Variants in ARHGEF28 observed in about 807,000 individuals in gnomAD.
The protein encoded by ARHGEF28 is Rho guanine nucleotide exchange factor 28, also known as 190 kDa guanine nucleotide exchange factor.
ARHGEF28 carries 152 observed loss-of-function variants against 206.6 expected under a neutral mutation model. The ratio of observed to expected loss-of-function variants is 0.74; its 90% CI spans 0.64 to 0.84. The LOEUF (loss-of-function observed/expected upper bound fraction) is 0.84, where lower values mean the gene tolerates loss of function less well. ARHGEF28 is among the 40% of genes least tolerant of loss of function. The pLI is 0.00. For missense variants in ARHGEF28, 2,028 were observed against 2,073.2 expected (o/e 0.98, Z 0.42); for synonymous variants, 763 against 776.4 (o/e 0.98, Z 0.29).
At chr5:73,864,732 G>C in intron 16 of ARHGEF28, 85 bp from the exon 17 acceptor site, 1 of 1,141,402 alleles carries the variant, frequency 8.8e-7, no homozygotes, top group Non-Finnish European at 1.3e-6. Context: ...TTTTTATAAT[G>C]ACCAGTGAAA....
chr5:73,860,606 ACT>A (rs1759337714), intron 16 of ARHGEF28, among the ~76,000 whole-genome samples: 1 of 151,984 alleles, frequency 6.6e-6, no homozygotes, highest in Admixed American at 6.6e-5. Flanking sequence ...CACTGTTGCC[ACT>A]CTGGGAGATT....
At chr5:73,778,492 C>G (rs1753659424) in intron 6 of ARHGEF28, among the ~76,000 whole-genome samples, 1 of 152,034 alleles carries the variant, frequency 6.6e-6, no homozygotes. Flanking sequence ...AGATTTTCAT[C>G]TTATGAAAAA....
At chr5:73,682,521 G>C (rs547129449) in intron 1 of ARHGEF28, among the ~76,000 whole-genome samples, 1 of 151,478 alleles carries the variant, frequency 6.6e-6, no homozygotes, top group Admixed American at 6.6e-5. Context: ...GGGTTCAAGC[G>C]ATTCTCCTGC....
chr5:73,773,982 A>G lies in ARHGEF28; in HGVS notation c.603A>G (p.Thr201=), dbSNP rs373182168. 136 of 1,606,594 alleles carry G rather than the reference A, an allele frequency of 8.5e-5. No homozygotes were observed. Among genetic ancestry groups the G allele is most frequent in the Middle Eastern group, 5.0e-4 (3 of 6,060 alleles). The change falls in exon 5 of 36, where the codon ACA becomes ACG. Residue 201 remains threonine, a synonymous_variant. Coordinates refer to ENST00000513042, the MANE Select transcript of ARHGEF28 (RefSeq NM_001177693.2). ...ALALPNEEGA[T]PLDLALREGH... is the part of the protein sequence containing the mutation. ...CTTTACCCAACGAAGAGGGTGCCAC[A>G]CCATTAGACTTAGCTTTACGTGAAG...
intron 9 of ARHGEF28, among the ~76,000 whole-genome samples, chr5:73,802,814 T>C (rs1755214560): frequency 6.7e-6 from 1 of 150,146 alleles, no homozygotes; most frequent in Non-Finnish European, 1.5e-5. Flanking sequence ...TATATAGGCA[T>C]TTACAAAAAA....
intron 14 of ARHGEF28, 22 bp from the exon 15 acceptor site, chr5:73,857,634 A>C (rs962324893): frequency 6.4e-7 from 1 of 1,554,490 alleles, no homozygotes; most frequent in Admixed American, 2.0e-5. Flanking sequence ...ATGAGCCATG[A>C]TAACAGATTC....
At chr5:73,690,833 T>A (rs1362919144) in intron 2 of ARHGEF28, among the ~76,000 whole-genome samples, 2 of 152,202 alleles carry the variant, frequency 1.3e-5, no homozygotes, top group Non-Finnish European at 2.9e-5. Flanking sequence ...TTTCCTCAAT[T>A]AAAATGGCTT....
chr5:73,915,514 T>C (rs2111942245), intron 35 of ARHGEF28, among the ~76,000 whole-genome samples: 1 of 152,310 alleles, frequency 6.6e-6, no homozygotes, highest in South Asian at 2.1e-4. Context: ...TCTGTACTCC[T>C]CTATGGGACA....
rs1283311027 is a variant in ARHGEF28, at chr5:73,941,681, C to G, written c.*668C>G. The G allele has an allele frequency of 6.6e-6, 1 of 152,254 alleles. No homozygotes were observed. Among genetic ancestry groups the G allele is most frequent in the African/African-American group, 2.4e-5 (1 of 41,432 alleles). 9.4% of individuals were successfully genotyped at this position (152,254 alleles called of 1,614,324 possible). A position where few individuals can be genotyped will look rare whatever the true frequency, so the allele number is the denominator to read the frequency against. On this transcript the variant is annotated 3_prime_UTR_variant, in exon 36 of 36. Transcript: ENST00000513042. ...AGGCCCAGAGGCCCAGAGCCCCCATCAAGTCATTTTGATGTAAATAGTGAA... is the reference window on the plus strand; with the variant it reads ...AGGCCCAGAGGCCCAGAGCCCCCATGAAGTCATTTTGATGTAAATAGTGAA...
chr5:73,881,491 A>G (rs1490644856), intron 22 of ARHGEF28, among the ~76,000 whole-genome samples: 1 of 152,178 alleles, frequency 6.6e-6, no homozygotes, highest in South Asian at 2.1e-4. Context: ...AGTTTTTACT[A>G]TGAGTCATAT....
intron 2 of ARHGEF28, among the ~76,000 whole-genome samples, chr5:73,733,017 G>T (rs1257944290): frequency 6.6e-6 from 1 of 151,986 alleles, no homozygotes; most frequent in South Asian, 2.1e-4. Context: ...AATAGGTTTT[G>T]GGGAACAGGT....
intron 4 of ARHGEF28, among the ~76,000 whole-genome samples, chr5:73,754,516 A>T (rs1326979483): frequency 6.6e-6 from 1 of 152,192 alleles, no homozygotes; most frequent in Non-Finnish European, 1.5e-5. Flanking sequence ...GCAAGGAGAT[A>T]TGAAATATAA....
At chr5:73,848,903 AC>A (rs1758534342) in intron 12 of ARHGEF28, 72 bp from the exon 13 acceptor site, 2 of 1,072,024 alleles carry the variant, frequency 1.9e-6, no homozygotes, top group Non-Finnish European at 2.7e-6. Flanking sequence ...AAATTTAGTA[AC>A]ATTTGAGGTG....
intron 9 of ARHGEF28, among the ~76,000 whole-genome samples, chr5:73,817,676 AG>A (rs1756308115): frequency 6.6e-6 from 1 of 152,224 alleles, no homozygotes; most frequent in South Asian, 2.1e-4. Context: ...TTCATTTATT[AG>A]TTGGGGTCTC....
chr5:73,786,682 T>C (rs1754180462), intron 7 of ARHGEF28, among the ~76,000 whole-genome samples: 1 of 152,006 alleles, frequency 6.6e-6, no homozygotes, highest in Non-Finnish European at 1.5e-5. Flanking sequence ...TTGTGGAAAA[T>C]GATGGGGTGG....
chr5:73,732,800 C>CATTTAT (rs1750694226), intron 2 of ARHGEF28, among the ~76,000 whole-genome samples: 1 of 151,624 alleles, frequency 6.6e-6, no homozygotes, highest in African/African-American at 2.4e-5. Flanking sequence ...CTACATTTTA[C>CATTTAT]TAAGAAAAAA....
At chr5:73,905,688 G>T (rs1021836399) in intron 33 of ARHGEF28, among the ~76,000 whole-genome samples, 48 of 152,228 alleles carry the variant, frequency 3.2e-4, no homozygotes, top group African/African-American at 1.1e-3. Context: ...ACTCTGTGGG[G>T]TTTATTCAAT....
At chr5:73,743,373 T>G (rs1751546360) in intron 2 of ARHGEF28, among the ~76,000 whole-genome samples, 1 of 152,214 alleles carries the variant, frequency 6.6e-6, no homozygotes, top group African/African-American at 2.4e-5. Flanking sequence ...TCCATGACTT[T>G]TTATTTGCCA....
At chr5:73,815,651 A>T (rs986440980) in intron 9 of ARHGEF28, among the ~76,000 whole-genome samples, 7 of 152,196 alleles carry the variant, frequency 4.6e-5, no homozygotes, top group Admixed American at 6.5e-5. Context: ...CTGGAGAGAC[A>T]TGGGATTAAT....
Sources: allele counts gnomAD v4.1 joint callset (sites outside exome capture counted in the v4.1 genomes callset), GRCh38; gene constraint gnomAD v4.1.1; transcripts MANE v1.5; gene names NCBI Gene and HGNC (gene_info 2026-07-23, HGNC 2026-07-21).